The following BRWD1 variants were observed in gnomAD, a reference collection of about 807,000 sequenced individuals.
BRWD1 encodes bromodomain and WD repeat-containing protein 1.
A neutral mutation model predicts 251.2 loss-of-function variants in BRWD1; 82 were observed. The ratio of observed to expected loss-of-function variants is 0.33; its 90% confidence interval spans 0.27 to 0.39. BRWD1 has a LOEUF of 0.39. Ranked by LOEUF, BRWD1 falls within the 10% of genes least tolerant of loss-of-function variation. BRWD1 has a pLI of 1.00. For missense variants in BRWD1, 2,233 were observed against 2,711.6 expected, an observed-to-expected ratio of 0.82 and a Z score of 3.92; for synonymous variants, 918 against 902.8, an observed-to-expected ratio of 1.02 and a Z score of -0.30.
rs1318196809 is a variant in BRWD1 at position 39,187,431 on chromosome 21, GA to G, written c.*8827del. ...TAGGAACAAATTCTGAAAAATGAGT[GA>G]AAGTTCATGTAAATGCAAAAATCTT... is the stretch of plus-strand genomic sequence containing the variant. On this transcript the variant is annotated 3_prime_UTR_variant, in exon 41 of 41. Transcript: ENST00000342449. 1 of 1,534,366 alleles carries G rather than the reference GA, an allele frequency of 6.5e-7. No individual in the cohort carries two copies. The highest frequency in any genetic ancestry group is 8.7e-7 in the Non-Finnish European group (1 of 1,144,114).
Position 39,216,793 on chromosome 21 carries a change from T to C in BRWD1, c.3659+1359A>G, listed in dbSNP as rs879094150. 17 of 297,044 alleles carry C rather than the reference T, an allele frequency of 5.7e-5. No homozygotes were observed. In the South Asian group the frequency reaches 6.7e-4, roughly 12 times the overall value. 18.4% of individuals were successfully genotyped at this position (297,044 alleles called of 1,614,324 possible). A position where few individuals can be genotyped will look rare whatever the true frequency, so the allele number is the denominator to read the frequency against. On this transcript the variant is annotated intron_variant, in intron 31 of 40. Coordinates refer to ENST00000342449, the MANE Select transcript of BRWD1 (RefSeq NM_033656.4). ...CATTGCTTACAGAAATATATTTTTTTTAACTTTTAAGTTCAAGGGTACAAG... is the reference window on the plus strand; with the variant it reads ...CATTGCTTACAGAAATATATTTTTTCTAACTTTTAAGTTCAAGGGTACAAG...
chr21:39,274,534 A>T, intron 12 of BRWD1, 62 bp from the exon 13 acceptor site: 1 of 1,266,366 alleles, frequency 7.9e-7, no homozygotes, highest in South Asian at 1.2e-5. Flanking sequence ...GGCTACAATT[A>T]AAATCACATG....
intron 8 of BRWD1, among the ~76,000 whole-genome samples, chr21:39,292,964 C>A (rs1340078573): frequency 6.6e-6 from 1 of 151,888 alleles, no homozygotes; most frequent in Non-Finnish European, 1.5e-5. Context: ...TCCATCATAA[C>A]CGTCACTATG....
chr21:39,264,834 T>G (rs2034869375), intron 16 of BRWD1, 57 bp downstream of exon 16: 1 of 1,583,814 alleles, frequency 6.3e-7, no homozygotes, highest in African/African-American at 1.4e-5. Context: ...ACTACTTATT[T>G]CCAAAACACA....
Position 39,199,044 on chromosome 21 carries a change from G to A in BRWD1, c.5372C>T (p.Ala1791Val). 6.2e-7 allele frequency: 1 copy of A among 1,614,086 alleles called. No individual in the cohort carries two copies. The highest frequency in any genetic ancestry group is 8.5e-7 in the Non-Finnish European group (1 of 1,180,024). Residue 1791 changes from alanine (A) to valine (V), a missense_variant, in exon 40 of 41, where the codon GCA becomes GTA. Transcript: ENST00000342449. ...ACCAGATCTTCCTGGTTCAGAATCT[G>A]CTTCCTCTGAGATGCTCTCTGCCTT... The part of the protein sequence containing the change: ...KLKAESISEE[A>V]DSEPGRSGGR...
intron 4 of BRWD1, among the ~76,000 whole-genome samples, chr21:39,309,717 C>G (rs1296855912): frequency 1.3e-5 from 2 of 149,736 alleles, no homozygotes; most frequent in Admixed American, 6.8e-5. Context: ...CCCAGCTACT[C>G]GGGAGGCTGA....
intron 19 of BRWD1, among the ~76,000 whole-genome samples, chr21:39,254,051 G>A (rs1217646133): frequency 6.6e-6 from 1 of 152,176 alleles, no homozygotes; most frequent in Non-Finnish European, 1.5e-5. Flanking sequence ...CAGATCACCT[G>A]AGGTCGGGAG....
Position 39,192,664 on chromosome 21 carries a change from G to C in BRWD1, c.*3595C>G, listed in dbSNP as rs2031613135. 1.1e-5 allele frequency: 11 copies of C among 984,998 alleles called. No homozygotes were observed. Among genetic ancestry groups the C allele is most frequent in the Non-Finnish European group, 1.2e-5 (10 of 829,656 alleles). The allele number at this position is 984,998 out of a possible 1,614,324, so 61.0% of individuals were successfully genotyped here. On this transcript the variant is annotated 3_prime_UTR_variant, in exon 41 of 41. Coordinates refer to ENST00000342449, the MANE Select transcript of BRWD1 (RefSeq NM_033656.4). ...ACTATTCATGAAAAGAATGGAGCTG[G>C]TTATTTCAGCTTTAAAAGGGCAAAG...
At chr21:39,245,656 G>A (rs11908880) in intron 21 of BRWD1, among the ~76,000 whole-genome samples, 2,286 of 147,216 alleles carry the variant, frequency 0.016, 55 homozygotes, top group African/African-American at 0.055. Flanking sequence ...CTGGAGTGCC[G>A]TGGCGCAGTC....
intron 26 of BRWD1, 77 bp downstream of exon 26, chr21:39,229,235 A>G: frequency 7.9e-7 from 1 of 1,272,656 alleles, no homozygotes; most frequent in Non-Finnish European, 1.1e-6. Flanking sequence ...GTTAAATGGG[A>G]AGGGCATGCT....
chr21:39,307,988 G>T (rs2036344456), intron 4 of BRWD1, among the ~76,000 whole-genome samples: 1 of 152,154 alleles, frequency 6.6e-6, no homozygotes, highest in Admixed American at 6.6e-5. Context: ...AGCAGTGCAG[G>T]TAGAGACTAG....
rs2035745906 is a variant in BRWD1 at position 39,289,652 on chromosome 21, AATT to A, written c.831+4156_831+4158del. ...CAATGATATATTTTAATAGGTTCAGAATTATTGACTGGCATTTTCTATTAGCAA... is the reference window on the plus strand; with the variant it reads ...CAATGATATATTTTAATAGGTTCAGAATTGACTGGCATTTTCTATTAGCAA... On this transcript the variant is annotated intron_variant, in intron 8 of 40. Coordinates refer to ENST00000342449, the MANE Select transcript of BRWD1 (RefSeq NM_033656.4). Among the ~76,000 whole-genome samples, 5 of 152,220 alleles carry A rather than the reference AATT, an allele frequency of 3.3e-5. No individual in the cohort carries two copies. The South Asian group carries it at 1.0e-3, about 31-fold the overall frequency.
At chr21:39,243,630 T>C (rs964918866) in intron 21 of BRWD1, among the ~76,000 whole-genome samples, 10 of 152,050 alleles carry the variant, frequency 6.6e-5, no homozygotes, top group Non-Finnish European at 1.3e-4. Context: ...TCTCATTTTT[T>C]TGTGGAGGAG....
At chr21:39,318,159 C>G (rs1196699950), upstream of BRWD1, among the ~76,000 whole-genome samples, 1 of 152,060 alleles carries the variant, frequency 6.6e-6, no homozygotes, top group Non-Finnish European at 1.5e-5. Context: ...TTCAGTAAGG[C>G]CTTCCAAATC....
chr21:39,186,302 A>T lies in BRWD1; in HGVS notation c.*9957T>A, dbSNP rs1379020273. On this transcript the variant is annotated 3_prime_UTR_variant, in exon 41 of 41. Transcript: ENST00000342449. ...GTAACATTCATAGCTTTCATAGAAA[A>T]ATATATATTCCCTGAATTAGTCATA... 6.6e-6 allele frequency: 1 copy of T among 152,216 alleles called. No homozygotes were observed. Among genetic ancestry groups the T allele is most frequent in the Non-Finnish European group, 1.5e-5 (1 of 68,028 alleles). 9.4% of individuals were successfully genotyped at this position (152,216 alleles called of 1,614,324 possible).
rs571673392 is a variant in BRWD1 at position 39,193,787 on chromosome 21, G to A, written c.*2472C>T. ...TAAATCCCTGGGCATTTTGCATAAC[G>A]TAGAAAAAAAAGGCCAAACATGTTC... On this transcript the variant is annotated 3_prime_UTR_variant, in exon 41 of 41. Coordinates refer to ENST00000342449, the MANE Select transcript of BRWD1 (RefSeq NM_033656.4). The A allele has an allele frequency of 9.3e-5, 92 of 985,102 alleles. No homozygotes were observed. Among genetic ancestry groups the A allele is most frequent in the South Asian group, 6.6e-4 (14 of 21,264 alleles). 61.0% of individuals were successfully genotyped at this position (985,102 alleles called of 1,614,324 possible).
intron 9 of BRWD1, among the ~76,000 whole-genome samples, chr21:39,279,093 T>G (rs1371767463): frequency 2.0e-5 from 3 of 152,064 alleles, no homozygotes; most frequent in African/African-American, 7.2e-5. Context: ...CCATGTATTT[T>G]TACAAAATAT....
At position 39,295,808 on chromosome 21, in the gene BRWD1, T is replaced by C; in HGVS notation, c.544A>G (p.Ile182Val). 6.2e-7 allele frequency: 1 copy of C among 1,612,506 alleles called. No individual in the cohort carries two copies. Among genetic ancestry groups the C allele is most frequent in the Non-Finnish European group, 8.5e-7 (1 of 1,179,000 alleles). ...TAAACAGCAGATAGATGTCCGAGAA[T>C]CCTTCTGTGCATTTTTATATGCTGA... is the stretch of plus-strand genomic sequence containing the variant. Reference protein sequence around the residue: ...MYQHIKMHRRILGHLSAVYCV... With the variant: ...MYQHIKMHRRVLGHLSAVYCV... Residue 182 changes from isoleucine (I) to valine (V), a missense_variant, in exon 7 of 41, where the codon ATT becomes GTT. Coordinates refer to ENST00000342449, the MANE Select transcript of BRWD1 (RefSeq NM_033656.4).
chr21:39,215,108 G>T, intron 32 of BRWD1, 129 bp downstream of exon 32: 2 of 833,126 alleles, frequency 2.4e-6, no homozygotes, highest in Non-Finnish European at 3.8e-6. Flanking sequence ...GACCGCAAGT[G>T]ATCTGACGGC....
Sources: allele counts gnomAD v4.1 joint callset (sites outside exome capture counted in the v4.1 genomes callset), GRCh38; gene constraint gnomAD v4.1.1; transcripts MANE v1.5; gene names NCBI Gene and HGNC (gene_info 2026-07-23, HGNC 2026-07-21).